The following SLC8A1 variants were observed in gnomAD, a reference collection of about 807,000 sequenced individuals.
SLC8A1 encodes the protein solute carrier family 8 member A1, also known as sodium/calcium exchanger 1.
Under a neutral mutation model 68.3 loss-of-function variants are expected in SLC8A1, and 18 were observed. The ratio of observed to expected loss-of-function variants is 0.26; its 90% CI spans 0.18 to 0.39. The LOEUF is 0.39. Among genes scored for constraint, SLC8A1 ranks in the 10% least tolerant of loss-of-function variants. The pLI is 1.00. For synonymous variants in SLC8A1, 475 were observed against 415.5 expected (o/e 1.14, Z -1.74); for missense variants, 985 against 1,156.7 (o/e 0.85, Z 2.15).
chr2:40,257,426 T>C (rs569122356), intron 2 of SLC8A1, among the ~76,000 whole-genome samples: 7 of 126,314 alleles, frequency 5.5e-5, no homozygotes, highest in African/African-American at 2.0e-4. Flanking sequence ...TTTACCACCT[T>C]TTTTTTTTTT....
intron 2 of SLC8A1, among the ~76,000 whole-genome samples, chr2:40,238,591 G>T (rs1428641731): frequency 6.6e-6 from 1 of 152,218 alleles, no homozygotes; most frequent in Non-Finnish European, 1.5e-5. Flanking sequence ...GGGAGCTGTA[G>T]ACCGGAGCTG....
At chr2:40,170,493 C>G in intron 4 of SLC8A1, 144 bp from the exon 7 acceptor site, 1 of 694,294 alleles carries the variant, frequency 1.4e-6, no homozygotes, top group Non-Finnish European at 2.6e-6. Context: ...GATCATAGGT[C>G]ACCCCTAGGT....
intron 2 of SLC8A1, among the ~76,000 whole-genome samples, chr2:40,222,273 G>C (rs2058435824): frequency 6.6e-5 from 10 of 151,998 alleles, no homozygotes; most frequent in Admixed American, 6.6e-4. Context: ...CAAGCAATGG[G>C]GAAACGACTC....
intron 1 of SLC8A1, among the ~76,000 whole-genome samples, chr2:40,459,662 C>A (rs1291218986): frequency 6.6e-6 from 1 of 152,176 alleles, no homozygotes; most frequent in Non-Finnish European, 1.5e-5. Context: ...TATTAGTGCA[C>A]CTGGATGACC....
At chr2:40,365,015 G>A (rs2149489036) in intron 2 of SLC8A1, among the ~76,000 whole-genome samples, 1 of 152,072 alleles carries the variant, frequency 6.6e-6, no homozygotes, top group Middle Eastern at 3.4e-3. Context: ...GTTATTTTAT[G>A]GTATTATTGT....
intron 1 of SLC8A1, among the ~76,000 whole-genome samples, chr2:40,445,852 G>C (rs879883799): frequency 2.6e-5 from 4 of 152,176 alleles, no homozygotes; most frequent in Non-Finnish European, 5.9e-5. Context: ...ACTTCTGAGA[G>C]ACATTTGATG....
chr2:40,169,770 G>C (rs972578492), intron 4 of SLC8A1, among the ~76,000 whole-genome samples: 1 of 152,002 alleles, frequency 6.6e-6, no homozygotes, highest in Non-Finnish European at 1.5e-5. Flanking sequence ...GTGAGACCCC[G>C]TCTCTACAAA....
At chr2:40,356,282 A>G (rs967172436) in intron 2 of SLC8A1, among the ~76,000 whole-genome samples, 35 of 152,270 alleles carry the variant, frequency 2.3e-4, no homozygotes, top group Middle Eastern at 6.8e-3. Context: ...CTCAGCATCA[A>G]TTGTAGTGAC....
intron 2 of SLC8A1, among the ~76,000 whole-genome samples, chr2:40,355,226 T>C (rs1672312096): frequency 6.6e-6 from 1 of 152,162 alleles, no homozygotes; most frequent in African/African-American, 2.4e-5. Flanking sequence ...AAAATGCTGA[T>C]GCAGAGGGAA....
intron 2 of SLC8A1, among the ~76,000 whole-genome samples, chr2:40,255,764 C>T (rs965536319): frequency 6.6e-6 from 1 of 152,146 alleles, no homozygotes; most frequent in Non-Finnish European, 1.5e-5. Flanking sequence ...CGGTATCCTT[C>T]AAACATATCT....
At chr2:40,188,158 T>G (rs1324894402) in intron 2 of SLC8A1, among the ~76,000 whole-genome samples, 1 of 152,176 alleles carries the variant, frequency 6.6e-6, no homozygotes, top group Admixed American at 6.5e-5. Flanking sequence ...AGGGTCACAT[T>G]TAACAAAACG....
intron 2 of SLC8A1, among the ~76,000 whole-genome samples, chr2:40,371,527 T>C (rs972892170): frequency 6.6e-6 from 1 of 152,124 alleles, no homozygotes; most frequent in Non-Finnish European, 1.5e-5. Context: ...GATGTTAGTG[T>C]CTTCTACCTC....
intron 2 of SLC8A1, among the ~76,000 whole-genome samples, chr2:40,401,426 AT>A (rs143165925): frequency 0.11 from 16,130 of 151,712 alleles, 2,528 homozygotes; most frequent in African/African-American, 0.35. Context: ...CTTCTATGCT[AT>A]TTTTTTTAAC....
At chr2:40,382,421 A>G (rs751798436) in intron 2 of SLC8A1, among the ~76,000 whole-genome samples, 1 of 152,118 alleles carries the variant, frequency 6.6e-6, no homozygotes, top group Non-Finnish European at 1.5e-5. Flanking sequence ...ACCTGTTTAC[A>G]TCACTTTTGT....
At chr2:40,217,165 A>G (rs775377306) in intron 2 of SLC8A1, among the ~76,000 whole-genome samples, 2 of 152,128 alleles carry the variant, frequency 1.3e-5, no homozygotes, top group Non-Finnish European at 2.9e-5. Flanking sequence ...TGATTTTTGT[A>G]TAAGGTGTAA....
At chr2:40,136,118 T>G (rs1276734743) in intron 7 of SLC8A1, among the ~76,000 whole-genome samples, 2 of 152,190 alleles carry the variant, frequency 1.3e-5, no homozygotes, top group Non-Finnish European at 2.9e-5. Flanking sequence ...TTGGGCTTAC[T>G]CCAACATTTA....
chr2:40,174,990 A>C, intron 3 of SLC8A1, 148 bp from the exon 5 acceptor site: 1 of 786,930 alleles, frequency 1.3e-6, no homozygotes, highest in Non-Finnish European at 2.1e-6. Context: ...TCATGACTGA[A>C]TCACTAATCG....
chr2:40,360,876 C>A (rs79392214), intron 2 of SLC8A1, among the ~76,000 whole-genome samples: 212 of 152,230 alleles, frequency 1.4e-3, no homozygotes, highest in African/African-American at 5.0e-3. Flanking sequence ...TTTATCAGGG[C>A]ACCTCCTTGT....
intron 2 of SLC8A1, among the ~76,000 whole-genome samples, chr2:40,376,118 T>C (rs918822872): frequency 2.0e-5 from 3 of 152,144 alleles, no homozygotes; most frequent in African/African-American, 7.2e-5. Context: ...TTCTAGAATA[T>C]ATTTTTTTCC....
Sources: gnomAD v4.1 joint callset for allele counts (sites outside exome capture counted in the v4.1 genomes callset) on GRCh38, gnomAD v4.1.1 for gene constraint, MANE v1.5 for transcripts, NCBI Gene and HGNC (gene_info 2026-07-23, HGNC 2026-07-21) for gene names.